Variants in ZBTB1 observed in about 807,000 individuals in gnomAD.
The protein encoded by ZBTB1 is zinc finger and BTB domain-containing protein 1.
In ZBTB1, 13 loss-of-function variants were observed where a neutral mutation model predicts 51.6. The observed-to-expected ratio is 0.25, with a 90% CI of 0.16 to 0.40. ZBTB1 has a LOEUF of 0.40. ZBTB1 is among the 10% of genes least tolerant of loss of function. ZBTB1 has a pLI of 1.00. For synonymous variants in ZBTB1, 240 were observed against 282.2 expected, an observed-to-expected ratio of 0.85 and a Z score of 1.50; for missense variants, 567 against 856.5, an observed-to-expected ratio of 0.66 and a Z score of 4.22.
At chr14:64,507,245 A>G (rs986512409) in intron 1 of ZBTB1, among the ~76,000 whole-genome samples, 2 of 152,228 alleles carry the variant, frequency 1.3e-5, no homozygotes, top group African/African-American at 4.8e-5. Context: ...TTTGGTCTCT[A>G]TAGAATGTTT....
chr14:64,509,285 G>A (rs950250376), intron 1 of ZBTB1, among the ~76,000 whole-genome samples: 1 of 152,146 alleles, frequency 6.6e-6, no homozygotes, highest in African/African-American at 2.4e-5. Flanking sequence ...TGGGAGGAAC[G>A]CTTGAGCCTG....
Position 64,521,508 on chromosome 14 carries a change from G to A in ZBTB1, c.4G>A (p.Ala2Thr). 2 of 1,594,604 alleles carry A rather than the reference G, an allele frequency of 1.3e-6. No homozygotes were observed. Among genetic ancestry groups the A allele is most frequent in the South Asian group, 2.3e-5 (2 of 87,886 alleles). Residue 2 changes from alanine to threonine, a missense_variant, in exon 2 of 2, where the codon GCA becomes ACA. Transcript: ENST00000683701. ...ATAGGTCTCTAATTAACAGAAGATGGCAAAGCCCAGCCACAGCAGCTATGT... is the reference window on the plus strand; with the variant it reads ...ATAGGTCTCTAATTAACAGAAGATGACAAAGCCCAGCCACAGCAGCTATGT... M[A>T]KPSHSSYVLQ...
At position 64,521,489 on chromosome 14, in the gene ZBTB1, C is replaced by G. The variant is rs773557892; in HGVS notation, c.-16C>G. On this transcript the variant is annotated splice_region_variant and 5_prime_UTR_variant, in exon 2 of 2. Transcript: ENST00000683701. Reference sequence around the variant, plus strand: ...TTTAATATTTTTGTTTTACATAGGTCTCTAATTAACAGAAGATGGCAAAGC... The same window carrying G: ...TTTAATATTTTTGTTTTACATAGGTGTCTAATTAACAGAAGATGGCAAAGC... 1.9e-6 allele frequency: 3 copies of G among 1,568,510 alleles called. No homozygotes were observed. Among genetic ancestry groups the G allele is most frequent in the Non-Finnish European group, 2.6e-6 (3 of 1,160,680 alleles).
intron 1 of ZBTB1, chr14:64,505,233 A>AT (rs2079629621): frequency 4.1e-6 from 1 of 243,114 alleles, no homozygotes; most frequent in Non-Finnish European, 7.8e-6. Context: ...CTCTGCCTTT[A>AT]TTTTTTTCGA....
chr14:64,506,616 T>G (rs553772307), intron 1 of ZBTB1, among the ~76,000 whole-genome samples: 7 of 152,352 alleles, frequency 4.6e-5, no homozygotes, highest in African/African-American at 1.7e-4. Flanking sequence ...TTAATAAACA[T>G]AACGTCTACA....
intron 1 of ZBTB1, among the ~76,000 whole-genome samples, chr14:64,512,331 G>A (rs577160614): frequency 1.3e-5 from 2 of 152,288 alleles, no homozygotes; most frequent in South Asian, 2.1e-4. Context: ...CACATATTAA[G>A]TGTCAACTAT....
rs924590599 is a variant in ZBTB1 at position 64,515,669 on chromosome 14, T to C, written c.-18-5818T>C. ...CCAAGTAGCTGGGAATACAGGTGCC[T>C]GCCACCACGCCCGGCTAATTTTTTG... is the stretch of plus-strand genomic sequence containing the variant. On this transcript the variant is annotated intron_variant, in intron 1 of 1. Coordinates refer to ENST00000683701, the MANE Select transcript of ZBTB1 (RefSeq NM_001123329.2). Among the ~76,000 whole-genome samples, 7 of 152,084 alleles carry C rather than the reference T, an allele frequency of 4.6e-5. No homozygotes were observed. In the South Asian group the frequency reaches 1.2e-3, roughly 27 times the overall value.
At chr14:64,510,955 G>A (rs2079718433) in intron 1 of ZBTB1, among the ~76,000 whole-genome samples, 1 of 152,176 alleles carries the variant, frequency 6.6e-6, no homozygotes, top group African/African-American at 2.4e-5. Flanking sequence ...GAGTAGATGG[G>A]CAGATTTGAG....
exon 3 of ZBTB1, chr14:64,532,095 C>T: frequency 1.8e-6 from 1 of 541,216 alleles, no homozygotes; most frequent in Non-Finnish European, 3.2e-6. Context: ...TTTGTTGTAA[C>T]AAAATTGATT....
intron 1 of ZBTB1, among the ~76,000 whole-genome samples, chr14:64,506,432 C>T (rs1370319242): frequency 6.6e-6 from 1 of 152,166 alleles, no homozygotes; most frequent in Non-Finnish European, 1.5e-5. Context: ...ACTCAGGAGG[C>T]TGAGGCAGGA....
At chr14:64,520,695 C>G (rs919973916) in intron 1 of ZBTB1, among the ~76,000 whole-genome samples, 1 of 152,054 alleles carries the variant, frequency 6.6e-6, no homozygotes, top group Non-Finnish European at 1.5e-5. Flanking sequence ...GATAAGGATT[C>G]TTTTTAACAC....
In ZBTB1 at chr14:64,522,731, C is replaced by A. The variant is rs746190112; in HGVS notation, c.1227C>A (p.Asn409Lys). 6.2e-7 allele frequency: 1 copy of A among 1,614,158 alleles called. No individual in the cohort carries two copies. Residue 409 changes from asparagine to lysine, a missense_variant, in exon 2 of 2, where the codon AAC becomes AAA. Physicochemically the swap from Asn to Lys is moderately conservative, Grantham distance 94. Transcript: ENST00000683701. Reference sequence around the variant, plus strand: ...GTTTAGAGAATATGAGGCCCCCTAACAACAGCAGTCCAGTACAAGAGGATG... The same window carrying A: ...GTTTAGAGAATATGAGGCCCCCTAAAAACAGCAGTCCAGTACAAGAGGATG... The part of the protein sequence containing the change: ...RGGLENMRPP[N>K]NSSPVQEDAE...
rs1398856114 is a variant in ZBTB1 at position 64,504,958 on chromosome 14, C to T, written c.-19+12C>T. ...TCCTGTTGCGGCCGGTAAGTATTTG[C>T]CAGTTGTGGGGCTATTTGCGCAACT... On this transcript the variant is annotated intron_variant, in intron 1 of 1. Transcript: ENST00000683701. 3 of 394,962 alleles carry T rather than the reference C, an allele frequency of 7.6e-6. No individual in the cohort carries two copies. Among genetic ancestry groups the T allele is most frequent in the African/African-American group, 2.1e-5 (1 of 48,398 alleles). The allele number at this position is 394,962 out of a possible 1,614,324, so 24.5% of individuals were successfully genotyped here.
chr14:64,532,849 G>C (rs1262698397), exon 3 of ZBTB1: 2 of 150,836 alleles, frequency 1.3e-5, no homozygotes, highest in Non-Finnish European at 3.0e-5. Flanking sequence ...TAAATGCTTT[G>C]TTTGATATAT....
At chr14:64,512,719 G>T (rs1328269495) in intron 1 of ZBTB1, among the ~76,000 whole-genome samples, 1 of 152,152 alleles carries the variant, frequency 6.6e-6, no homozygotes, top group Non-Finnish European at 1.5e-5. Flanking sequence ...TTCTAAACTT[G>T]ATCGTGTTTG....
chr14:64,529,847 G>A (rs148170698), downstream of ZBTB1, among the ~76,000 whole-genome samples: 486 of 152,302 alleles, frequency 3.2e-3, 1 homozygote, highest in Non-Finnish European at 4.7e-3. Context: ...TACCATAGGT[G>A]ATTGATTTGA....
rs2079892486 is a variant in ZBTB1 at position 64,524,884 on chromosome 14, A to T, written c.*1238A>T. On this transcript the variant is annotated 3_prime_UTR_variant, in exon 2 of 2. Transcript: ENST00000683701. ...GTTAGTTGTTGCTGACACAGGGTCT[A>T]CATAATTACATGTGAATTAAAACAT... The T allele has an allele frequency of 1.0e-6, 1 of 985,310 alleles. No homozygotes were observed. The highest frequency in any genetic ancestry group is 1.2e-6 in the Non-Finnish European group (1 of 829,912). The allele number at this position is 985,310 out of a possible 1,614,324, so 61.0% of individuals were successfully genotyped here.
At chr14:64,518,635 C>T (rs895906307) in intron 1 of ZBTB1, 1 of 152,042 alleles carries the variant, frequency 6.6e-6, no homozygotes, top group Non-Finnish European at 1.5e-5. Flanking sequence ...TTTCTCTAAA[C>T]AGCTTGTTAC....
At chr14:64,533,039 A>G (rs917392369) in exon 3 of ZBTB1, 1 of 152,028 alleles carries the variant, frequency 6.6e-6, no homozygotes, top group Admixed American at 6.5e-5. Context: ...ATTTATTCCA[A>G]TGTTTTAACA....
Sources: allele counts gnomAD v4.1 joint callset (sites outside exome capture counted in the v4.1 genomes callset), GRCh38; gene constraint gnomAD v4.1.1; transcripts MANE v1.5; gene names NCBI Gene and HGNC (gene_info 2026-07-23, HGNC 2026-07-21).